CPLX1: variants seen among roughly 807,000 people sequenced by gnomAD.
CPLX1 encodes the protein complexin-1.
In CPLX1, 6 loss-of-function variants were observed where a neutral mutation model predicts 15.6. The ratio of observed to expected loss-of-function variants is 0.39; its 90% CI spans 0.21 to 0.76. CPLX1 has a LOEUF of 0.76. CPLX1 is among the 30% of genes least tolerant of loss of function. The pLI is 0.43. For synonymous variants in CPLX1, 91 were observed against 75.2 expected, an observed-to-expected ratio of 1.21 and a Z score of -1.08; for missense variants, 242 against 188.6, an observed-to-expected ratio of 1.28 and a Z score of -1.66.
intron 2 of CPLX1, among the ~76,000 whole-genome samples, chr4:809,957 C>G (rs1420058281): frequency 6.6e-6 from 1 of 152,184 alleles, no homozygotes; most frequent in Non-Finnish European, 1.5e-5. Flanking sequence ...AGCAGGACCC[C>G]ACGGTGTGGA....
At position 798,450 on chromosome 4, in the gene CPLX1, T is replaced by C. The variant is rs902721239; in HGVS notation, c.32-5842A>G. 2.6e-5 allele frequency among the ~76,000 whole-genome samples: 4 copies of C among 152,220 alleles called. No homozygotes were observed. The East Asian group carries it at 5.8e-4, about 22-fold the overall frequency. On this transcript the variant is annotated intron_variant, in intron 2 of 3. Transcript: ENST00000304062. ...TTTCTTAGACAGGGTCTTGCTCCGT[T>C]GCCCAGGCTGCAATGCAGAGGCTCA...
chr4:805,490 G>C (rs1328221712), intron 2 of CPLX1, among the ~76,000 whole-genome samples: 1 of 152,190 alleles, frequency 6.6e-6, no homozygotes, highest in Non-Finnish European at 1.5e-5. Context: ...CTGGAACCCT[G>C]TGCCTTGTTG....
chr4:786,449 G>A lies in CPLX1; in HGVS notation c.*52C>T. 3 of 1,493,630 alleles carry A rather than the reference G, an allele frequency of 2.0e-6. No homozygotes were observed. The highest frequency in any genetic ancestry group is 2.7e-6 in the Non-Finnish European group (3 of 1,114,602). The allele number at this position is 1,493,630 out of a possible 1,614,324, so 92.5% of individuals were successfully genotyped here. ...TCGTCCCTCAGGGGCCTCCGCGGAG[G>A]ATCTGTAGGGGGAGGGGCGGGGGCT... On this transcript the variant is annotated 3_prime_UTR_variant, in exon 4 of 4. Coordinates refer to ENST00000304062, the MANE Select transcript of CPLX1 (RefSeq NM_006651.4).
rs1205735796 is a variant in CPLX1, at chr4:785,363, C to T, written c.*1138G>A. Reference sequence around the variant, plus strand: ...TGGCTTCTCTAAAGCTATGTAAGGTCATGAAGGTCAATGCCAAGCCACGCC... The same window carrying T: ...TGGCTTCTCTAAAGCTATGTAAGGTTATGAAGGTCAATGCCAAGCCACGCC... On this transcript the variant is annotated 3_prime_UTR_variant, in exon 4 of 4. Coordinates refer to ENST00000304062, the MANE Select transcript of CPLX1 (RefSeq NM_006651.4). The T allele has an allele frequency of 6.6e-6, 1 of 152,512 alleles. No individual in the cohort carries two copies. The highest frequency in any genetic ancestry group is 2.4e-5 in the African/African-American group (1 of 41,430). The allele number at this position is 152,512 out of a possible 1,614,324, so 9.4% of individuals were successfully genotyped here.
At chr4:792,309 A>C (rs1174309859) in intron 3 of CPLX1, 124 bp downstream of exon 3, 1 of 916,326 alleles carries the variant, frequency 1.1e-6, no homozygotes, top group African/African-American at 1.8e-5. Flanking sequence ...GAAGCCCCCA[A>C]AGGGTAGGAG....
At chr4:800,826 T>C (rs1407034491) in intron 2 of CPLX1, among the ~76,000 whole-genome samples, 2 of 145,984 alleles carry the variant, frequency 1.4e-5, no homozygotes, top group Non-Finnish European at 3.0e-5. Context: ...TATAAATATA[T>C]GTGTGTGTGT....
intron 2 of CPLX1, among the ~76,000 whole-genome samples, chr4:822,627 CTTCT>C (rs1746893981): frequency 6.6e-6 from 1 of 152,156 alleles, no homozygotes; most frequent in Non-Finnish European, 1.5e-5. Flanking sequence ...CTCCTGCCAG[CTTCT>C]TTGTGTCCGG....
chr4:804,739 A>T (rs947278852), intron 2 of CPLX1: 2 of 985,328 alleles, frequency 2.0e-6, no homozygotes, highest in African/African-American at 1.7e-5. Context: ...AAGTGTCACA[A>T]AGAAGTGAAA....
chr4:808,864 C>G (rs1746605148), intron 2 of CPLX1, among the ~76,000 whole-genome samples: 1 of 152,186 alleles, frequency 6.6e-6, no homozygotes, highest in African/African-American at 2.4e-5. Flanking sequence ...TTCAAACATT[C>G]AAGAAACAGA....
intron 2 of CPLX1, among the ~76,000 whole-genome samples, chr4:818,965 G>A (rs11248043): frequency 0.2 from 30,906 of 152,180 alleles, 3,282 homozygotes; most frequent in East Asian, 0.35. Flanking sequence ...TCTGATCTCC[G>A]TGTGGACCAG....
At chr4:788,492 G>A in intron 3 of CPLX1, 1 of 985,456 alleles carries the variant, frequency 1.0e-6, no homozygotes, top group Non-Finnish European at 1.2e-6. Flanking sequence ...ACAGAGCCGG[G>A]ACTCCAGGGG....
chr4:797,943 G>A (rs189456487), intron 2 of CPLX1, among the ~76,000 whole-genome samples: 1 of 149,946 alleles, frequency 6.7e-6, no homozygotes, highest in African/African-American at 2.5e-5. Context: ...AAAACAAAAA[G>A]ACTTACTATA....
At chr4:798,001 A>G (rs1052546351) in intron 2 of CPLX1, among the ~76,000 whole-genome samples, 4 of 151,560 alleles carry the variant, frequency 2.6e-5, no homozygotes, top group African/African-American at 9.7e-5. Flanking sequence ...TAGGCCAGGC[A>G]CAGTGGCTCA....
rs1279680532 is a variant in CPLX1, at chr4:824,543, A to C, written c.-21T>G. ...TCCATGGCGATTGCTCTGCTTCCAC[A>C]GTGGCTCCTCCAGGGGTCAGAACTC... On this transcript the variant is annotated 5_prime_UTR_variant, in exon 2 of 4. Transcript: ENST00000304062. 1 of 1,612,618 alleles carries C rather than the reference A, an allele frequency of 6.2e-7. No individual in the cohort carries two copies. The highest frequency in any genetic ancestry group is 1.1e-5 in the South Asian group (1 of 91,084).
chr4:792,949 G>T (rs1262762660), intron 2 of CPLX1, among the ~76,000 whole-genome samples: 1 of 152,170 alleles, frequency 6.6e-6, no homozygotes, highest in Non-Finnish European at 1.5e-5. Flanking sequence ...GGCTGTTGTG[G>T]TTGTGTTTGT....
intron 2 of CPLX1, among the ~76,000 whole-genome samples, chr4:801,138 C>A (rs1278580508): frequency 6.6e-6 from 1 of 151,012 alleles, no homozygotes; most frequent in African/African-American, 2.4e-5. Context: ...CATGGTGAAA[C>A]CCCATCTCTA....
intron 2 of CPLX1, among the ~76,000 whole-genome samples, chr4:804,256 C>T (rs1374470161): frequency 6.6e-6 from 1 of 152,238 alleles, no homozygotes; most frequent in Non-Finnish European, 1.5e-5. Context: ...TTCCTGATGA[C>T]ACGATCCTAT....
Position 786,142 on chromosome 4 carries a change from T to G in CPLX1, c.*359A>C. 6.0e-6 allele frequency: 1 copy of G among 166,694 alleles called. No homozygotes were observed. The highest frequency in any genetic ancestry group is 1.9e-4 in the South Asian group (1 of 5,166). The allele number at this position is 166,694 out of a possible 1,614,324, so 10.3% of individuals were successfully genotyped here. ...CGTCTGCTATGGCTGTGCTCCTGAGTGCGGGCCCGACAGGCGCCCACCGCC... is the reference window on the plus strand; with the variant it reads ...CGTCTGCTATGGCTGTGCTCCTGAGGGCGGGCCCGACAGGCGCCCACCGCC... On this transcript the variant is annotated 3_prime_UTR_variant, in exon 4 of 4. Coordinates refer to ENST00000304062, the MANE Select transcript of CPLX1 (RefSeq NM_006651.4).
rs374010183 is a variant in CPLX1 at position 786,325 on chromosome 4, C to A, written c.*176G>T. ...GGAGCACGGGGCGGACTGGGGGGGTCCTGGGGGCGCGCGCCCCTTGCCGGG... is the reference window on the plus strand; with the variant it reads ...GGAGCACGGGGCGGACTGGGGGGGTACTGGGGGCGCGCGCCCCTTGCCGGG... On this transcript the variant is annotated 3_prime_UTR_variant, in exon 4 of 4. Transcript: ENST00000304062. 2.0e-5 allele frequency: 11 copies of A among 555,186 alleles called. No individual in the cohort carries two copies. The highest frequency in any genetic ancestry group is 1.4e-4 in the East Asian group (4 of 28,814). The allele number at this position is 555,186 out of a possible 1,614,324, so 34.4% of individuals were successfully genotyped here.
Sources: allele counts gnomAD v4.1 joint callset (sites outside exome capture counted in the v4.1 genomes callset), GRCh38; gene constraint gnomAD v4.1.1; transcripts MANE v1.5; gene names NCBI Gene and HGNC (gene_info 2026-07-23, HGNC 2026-07-21).